Variants in CRB1 observed in about 807,000 individuals in gnomAD.
CRB1 encodes the protein crumbs cell polarity complex component 1.
CRB1 carries 83 observed loss-of-function variants against 120.0 expected under a neutral mutation model. The ratio of observed to expected loss-of-function variants is 0.69; its 90% CI spans 0.58 to 0.83. CRB1 has a LOEUF of 0.83. Among genes scored for constraint, CRB1 ranks in the 40% least tolerant of loss-of-function variants. The pLI is 0.00. For missense variants in CRB1, 1,699 were observed against 1,687.6 expected (o/e 1.01, Z -0.12); for synonymous variants, 625 against 612.5 (o/e 1.02, Z -0.30).
intron 2 of CRB1, among the ~76,000 whole-genome samples, chr1:197,341,548 A>T (rs1224548070): frequency 1.3e-5 from 2 of 151,964 alleles, no homozygotes; most frequent in Non-Finnish European, 2.9e-5. Flanking sequence ...CAGAAAAAAA[A>T]AAGAAAAGGG....
chr1:197,395,035 G>GT (rs1479914074), intron 5 of CRB1, among the ~76,000 whole-genome samples: 2 of 152,090 alleles, frequency 1.3e-5, no homozygotes, highest in Non-Finnish European at 2.9e-5. Context: ...CTGGGGTATT[G>GT]TTACTGCTAC....
chr1:197,384,993 G>A (rs1022862061), intron 5 of CRB1, among the ~76,000 whole-genome samples: 3 of 152,128 alleles, frequency 2.0e-5, no homozygotes, highest in African/African-American at 7.2e-5. Context: ...CAGAGGATAA[G>A]CAGAAACCTT....
At chr1:197,296,720 C>A (rs955597618) in intron 1 of CRB1, among the ~76,000 whole-genome samples, 1 of 151,960 alleles carries the variant, frequency 6.6e-6, no homozygotes, top group African/African-American at 2.4e-5. Context: ...GTCGGAGGGG[C>A]CTGGTGGGAG....
the CRB1 span, among the ~76,000 whole-genome samples, chr1:197,218,282 G>C: frequency 6.6e-6 from 1 of 152,152 alleles, no homozygotes; most frequent in Non-Finnish European, 1.5e-5. Context: ...CTACTGGCAA[G>C]AACTTTTTAA....
chr1:197,297,834 C>A (rs112675425), intron 1 of CRB1, among the ~76,000 whole-genome samples: 1 of 152,020 alleles, frequency 6.6e-6, no homozygotes. Context: ...AAAAGAATAG[C>A]TTTTAAGAGA....
At chr1:197,337,920 T>A (rs1659247507) in intron 2 of CRB1, among the ~76,000 whole-genome samples, 1 of 152,020 alleles carries the variant, frequency 6.6e-6, no homozygotes. Context: ...TATTTAGGAA[T>A]AGTAATTATC....
intron 5 of CRB1, among the ~76,000 whole-genome samples, chr1:197,367,627 C>G (rs1661144458): frequency 6.6e-6 from 1 of 152,140 alleles, no homozygotes; most frequent in Non-Finnish European, 1.5e-5. Context: ...TCAAACTATA[C>G]TCATGATAAT....
At chr1:197,203,334 T>C in the CRB1 span, among the ~76,000 whole-genome samples, 1 of 152,204 alleles carries the variant, frequency 6.6e-6, no homozygotes, top group Non-Finnish European at 1.5e-5. Flanking sequence ...TTTTTTTTCT[T>C]TTTTTGAGAC....
the CRB1 span, among the ~76,000 whole-genome samples, chr1:197,260,657 A>G: frequency 3.3e-5 from 5 of 152,148 alleles, no homozygotes; most frequent in African/African-American, 1.2e-4. Flanking sequence ...GCAGACTAAG[A>G]ATTAAGATCA....
intron 1 of CRB1, among the ~76,000 whole-genome samples, chr1:197,294,153 C>A (rs1177887665): frequency 6.6e-6 from 1 of 152,068 alleles, no homozygotes; most frequent in Admixed American, 6.6e-5. Flanking sequence ...AAAATTTTTG[C>A]AATCTGCACA....
chr1:197,416,907 A>C (rs571029181), intron 5 of CRB1, among the ~76,000 whole-genome samples: 1 of 152,156 alleles, frequency 6.6e-6, no homozygotes, highest in African/African-American at 2.4e-5. Context: ...ACAGGGTTTC[A>C]CCATATTGGT....
chr1:197,428,989 G>A (rs1329701209), intron 7 of CRB1: 2 of 1,530,976 alleles, frequency 1.3e-6, no homozygotes, highest in Middle Eastern at 1.7e-4. Context: ...GACCAATGTG[G>A]GAAGGGCACT....
chr1:197,417,107 G>A (rs1664047166), intron 5 of CRB1, among the ~76,000 whole-genome samples: 1 of 152,190 alleles, frequency 6.6e-6, no homozygotes, highest in African/African-American at 2.4e-5. Context: ...TTGCTGCTGT[G>A]TTGTGAGTTG....
intron 1 of CRB1, among the ~76,000 whole-genome samples, chr1:197,295,494 A>C (rs533854671): frequency 1.3e-5 from 2 of 152,006 alleles, no homozygotes; most frequent in African/African-American, 4.8e-5. Flanking sequence ...CAAGTAAAAA[A>C]TTTTTGAGCC....
the CRB1 span, among the ~76,000 whole-genome samples, chr1:197,217,088 AT>A: frequency 6.6e-6 from 1 of 152,140 alleles, no homozygotes; most frequent in South Asian, 2.1e-4. Context: ...TGAAATAGAT[AT>A]TTTTCCAAAG....
At chr1:197,349,341 C>T (rs1267926875) in intron 4 of CRB1, among the ~76,000 whole-genome samples, 1 of 152,174 alleles carries the variant, frequency 6.6e-6, no homozygotes, top group African/African-American at 2.4e-5. Flanking sequence ...CTTCTCAGAA[C>T]AAATGTTTGT....
At chr1:197,457,256 T>C (rs1281721200) in intron 11 of CRB1, among the ~76,000 whole-genome samples, 2 of 152,102 alleles carry the variant, frequency 1.3e-5, no homozygotes, top group Middle Eastern at 6.3e-3. Flanking sequence ...GTCGTGTGCT[T>C]ACTCTGAGCC....
chr1:197,223,289 G>C, the CRB1 span: 1 of 782,492 alleles, frequency 1.3e-6, no homozygotes, highest in African/African-American at 1.7e-5. Flanking sequence ...AAAGGGGTTT[G>C]GAAATTGGCT....
the CRB1 span, among the ~76,000 whole-genome samples, chr1:197,245,329 G>T: frequency 6.6e-6 from 1 of 151,988 alleles, no homozygotes; most frequent in South Asian, 2.1e-4. Flanking sequence ...TTTCTATGAT[G>T]GCTGCTTTAA....
Sources: allele counts gnomAD v4.1 joint callset (sites outside exome capture counted in the v4.1 genomes callset), GRCh38; gene constraint gnomAD v4.1.1; transcripts MANE v1.5; gene names NCBI Gene and HGNC (gene_info 2026-07-23, HGNC 2026-07-21).